Variants in ATRNL1 observed in about 807,000 individuals in gnomAD.
ATRNL1 encodes the protein attractin like 1, also known as attractin-like protein 1.
A neutral mutation model predicts 182.7 loss-of-function variants in ATRNL1; 95 were observed. That is an observed-to-expected ratio of 0.52 (90% confidence interval 0.44 to 0.62). The LOEUF (loss-of-function observed/expected upper bound fraction) is 0.62, where lower values mean the gene tolerates loss of function less well. Ranked by LOEUF, ATRNL1 falls within the 20% of genes least tolerant of loss-of-function variation. ATRNL1 has a pLI of 0.00. For missense variants in ATRNL1, 1,471 were observed against 1,679.5 expected, an observed-to-expected ratio of 0.88 and a Z score of 2.17; for synonymous variants, 576 against 568.3, an observed-to-expected ratio of 1.01 and a Z score of -0.19.
chr10:115,832,958 G>A (rs1195733973), intron 27 of ATRNL1, among the ~76,000 whole-genome samples: 5 of 152,040 alleles, frequency 3.3e-5, no homozygotes, highest in African/African-American at 1.2e-4. Flanking sequence ...AATGGAAAAT[G>A]ACCATCACAA....
chr10:115,768,989 A>G (rs1012301733), intron 27 of ATRNL1, among the ~76,000 whole-genome samples: 76 of 152,240 alleles, frequency 5.0e-4, no homozygotes, highest in African/African-American at 1.8e-3. Flanking sequence ...AAAGGAAAAC[A>G]TATAGACATA....
intron 27 of ATRNL1, among the ~76,000 whole-genome samples, chr10:115,795,028 T>A (rs1316739144): frequency 6.6e-6 from 1 of 152,004 alleles, no homozygotes; most frequent in African/African-American, 2.4e-5. Context: ...TCTTTGAGCA[T>A]TTCTTTACTT....
intron 21 of ATRNL1, among the ~76,000 whole-genome samples, chr10:115,438,085 C>G (rs1157624468): frequency 6.6e-6 from 1 of 151,952 alleles, no homozygotes; most frequent in Non-Finnish European, 1.5e-5. Flanking sequence ...AATTATTAAG[C>G]TGCAGTTTGT....
intron 27 of ATRNL1, chr10:115,820,156 A>G (rs1555089794): frequency 6.6e-6 from 1 of 152,152 alleles, no homozygotes; most frequent in Non-Finnish European, 1.5e-5. Context: ...CTCACTCTAA[A>G]AATCACTGAG....
chr10:115,623,959 A>G (rs1380126794), intron 26 of ATRNL1, among the ~76,000 whole-genome samples: 2 of 152,184 alleles, frequency 1.3e-5, no homozygotes, highest in Non-Finnish European at 2.9e-5. Flanking sequence ...GAAAGGATTT[A>G]ATTTTACTTT....
At chr10:115,302,729 T>G (rs1554925014) in intron 17 of ATRNL1, among the ~76,000 whole-genome samples, 2 of 152,184 alleles carry the variant, frequency 1.3e-5, no homozygotes, top group African/African-American at 4.8e-5. Flanking sequence ...GGGTACTATG[T>G]GGTGAGAGTG....
intron 24 of ATRNL1, among the ~76,000 whole-genome samples, chr10:115,517,139 A>G (rs927103903): frequency 6.6e-6 from 1 of 151,996 alleles, no homozygotes; most frequent in Non-Finnish European, 1.5e-5. Context: ...TAACTTTTAA[A>G]AGAGATATGC....
intron 5 of ATRNL1, among the ~76,000 whole-genome samples, chr10:115,133,604 C>G (rs1845364728): frequency 6.6e-6 from 1 of 152,118 alleles, no homozygotes; most frequent in Non-Finnish European, 1.5e-5. Flanking sequence ...TAATGGGAGA[C>G]TTTAACACCC....
chr10:115,130,803 G>T (rs1438795510), intron 5 of ATRNL1, among the ~76,000 whole-genome samples: 7 of 152,026 alleles, frequency 4.6e-5, no homozygotes, highest in Non-Finnish European at 7.4e-5. Flanking sequence ...TAAGGCCTGA[G>T]AAATAGAAAT....
At chr10:115,406,150 C>T (rs1393361987) in intron 20 of ATRNL1, among the ~76,000 whole-genome samples, 4 of 152,060 alleles carry the variant, frequency 2.6e-5, no homozygotes, top group Non-Finnish European at 5.9e-5. Flanking sequence ...CCGCAATAAA[C>T]ATACATGTGC....
intron 21 of ATRNL1, among the ~76,000 whole-genome samples, chr10:115,454,280 C>T (rs972886455): frequency 6.6e-6 from 1 of 152,026 alleles, no homozygotes; most frequent in Admixed American, 6.6e-5. Context: ...CATGCCAGTA[C>T]CAAACTATTT....
intron 27 of ATRNL1, among the ~76,000 whole-genome samples, chr10:115,803,741 A>G (rs1235445841): frequency 3.3e-5 from 5 of 152,070 alleles, no homozygotes; most frequent in South Asian, 4.1e-4. Context: ...AATTTTAACC[A>G]TGGTTACTAA....
rs1040252457 is a variant in ATRNL1 at position 115,289,314 on chromosome 10, T to C, written c.2415+2917T>C. Among the ~76,000 whole-genome samples the C allele has an allele frequency of 2.6e-5, 4 of 152,324 alleles. No individual in the cohort carries two copies. The East Asian group carries it at 5.8e-4, about 22-fold the overall frequency. On this transcript the variant is annotated intron_variant, in intron 15 of 28. Transcript: ENST00000355044. ...TATGGATGGGAACACAGCCAAACCATATAATCTCCCTTTCTGTAGGTTGTC... is the reference window on the plus strand; with the variant it reads ...TATGGATGGGAACACAGCCAAACCACATAATCTCCCTTTCTGTAGGTTGTC...
chr10:115,099,819 C>T (rs1239784498), intron 1 of ATRNL1, among the ~76,000 whole-genome samples: 1 of 152,118 alleles, frequency 6.6e-6, no homozygotes, highest in Non-Finnish European at 1.5e-5. Flanking sequence ...TTCTGGATTA[C>T]TAGCTTCTTA....
chr10:115,726,592 A>G (rs1281386455), intron 26 of ATRNL1, among the ~76,000 whole-genome samples: 1 of 152,258 alleles, frequency 6.6e-6, no homozygotes, highest in Non-Finnish European at 1.5e-5. Flanking sequence ...AGTCACAAAG[A>G]GAAAGAAACA....
chr10:115,208,885 T>A (rs1554894387), intron 8 of ATRNL1, among the ~76,000 whole-genome samples: 1 of 151,954 alleles, frequency 6.6e-6, no homozygotes, highest in Non-Finnish European at 1.5e-5. Flanking sequence ...TTCTTTAAAC[T>A]CTAAACTTTG....
intron 26 of ATRNL1, among the ~76,000 whole-genome samples, chr10:115,562,302 G>A (rs1853805813): frequency 1.3e-5 from 2 of 152,152 alleles, no homozygotes. Flanking sequence ...CTGTGCTTGG[G>A]TATTTGATGG....
At chr10:115,200,924 C>A (rs1312294284) in intron 8 of ATRNL1, among the ~76,000 whole-genome samples, 1 of 150,896 alleles carries the variant, frequency 6.6e-6, no homozygotes, top group Non-Finnish European at 1.5e-5. Flanking sequence ...GCCATTCTAA[C>A]TGGTGTGAGA....
chr10:115,927,482 A>G (rs1953270826), intron 28 of ATRNL1, among the ~76,000 whole-genome samples: 1 of 152,148 alleles, frequency 6.6e-6, no homozygotes, highest in Non-Finnish European at 1.5e-5. Flanking sequence ...AACCATTAGA[A>G]GAGAACATGG....
Sources: gnomAD v4.1 joint callset for allele counts (sites outside exome capture counted in the v4.1 genomes callset) on GRCh38, gnomAD v4.1.1 for gene constraint, MANE v1.5 for transcripts, NCBI Gene and HGNC (gene_info 2026-07-23, HGNC 2026-07-21) for gene names.